The following TRMT11 variants were observed in gnomAD, a reference collection of about 807,000 sequenced individuals.
The protein encoded by TRMT11 is tRNA (guanine(10)-N(2))-methyltransferase TRMT11.
Under a neutral mutation model 62.8 loss-of-function variants are expected in TRMT11, and 53 were observed. The ratio of observed to expected loss-of-function variants is 0.84; its 90% CI spans 0.68 to 1.06. The LOEUF (loss-of-function observed/expected upper bound fraction) is 1.06, where lower values mean the gene tolerates loss of function less well. TRMT11 is among the 50% of genes least tolerant of loss of function. The pLI, the probability that TRMT11 is intolerant of heterozygous loss-of-function variation, is 0.00. For missense variants in TRMT11, 556 were observed against 553.4 expected (o/e 1.00, Z -0.05); for synonymous variants, 188 against 190.3 (o/e 0.99, Z 0.10).
the TRMT11 span, among the ~76,000 whole-genome samples, chr6:126,271,363 CAAAA>C: frequency 1.7e-4 from 6 of 36,264 alleles, no homozygotes; most frequent in African/African-American, 5.2e-4. Context: ...GACTCCATCT[CAAAA>C]AAAAAAAAAA....
At chr6:126,107,689 G>A (rs535969804) in intron 17 of TRMT11, among the ~76,000 whole-genome samples, 12 of 152,098 alleles carry the variant, frequency 7.9e-5, no homozygotes, top group African/African-American at 2.4e-4. Flanking sequence ...CCAAAGGAGC[G>A]GTTCAGGTAT....
chr6:126,086,364 G>A (rs555869680), intron 17 of TRMT11, among the ~76,000 whole-genome samples: 1 of 152,160 alleles, frequency 6.6e-6, no homozygotes, highest in East Asian at 1.9e-4. Flanking sequence ...CCAGTGTCCC[G>A]AGCTAGAAAC....
At chr6:126,104,232 G>A (rs376745459) in intron 17 of TRMT11, among the ~76,000 whole-genome samples, 17 of 152,146 alleles carry the variant, frequency 1.1e-4, no homozygotes, top group African/African-American at 2.9e-4. Flanking sequence ...AATAGTCGCC[G>A]TTCAAAGTGA....
intron 12 of TRMT11, among the ~76,000 whole-genome samples, chr6:126,031,593 A>T (rs963243661): frequency 6.6e-6 from 1 of 152,190 alleles, no homozygotes; most frequent in Non-Finnish European, 1.5e-5. Context: ...AGCAAGATAC[A>T]GAAGCATGAG....
chr6:126,081,107 A>G (rs1241109360), intron 17 of TRMT11, among the ~76,000 whole-genome samples: 1 of 152,190 alleles, frequency 6.6e-6, no homozygotes, highest in Non-Finnish European at 1.5e-5. Context: ...ACAGACATTG[A>G]ATGGATCTTG....
At chr6:126,108,645 A>G (rs1019799446) in intron 17 of TRMT11, among the ~76,000 whole-genome samples, 4 of 152,212 alleles carry the variant, frequency 2.6e-5, no homozygotes, top group Non-Finnish European at 2.9e-5. Context: ...TCTCTAGAAC[A>G]TTAATTTATA....
intron 21 of TRMT11, among the ~76,000 whole-genome samples, chr6:126,152,078 C>T (rs1348976271): frequency 2.9e-5 from 4 of 137,856 alleles, no homozygotes; most frequent in Non-Finnish European, 4.6e-5. Flanking sequence ...TTACAGGCAG[C>T]ATGTATTCTG....
chr6:126,127,252 GAAGAT>G (rs1378038642), intron 21 of TRMT11, among the ~76,000 whole-genome samples: 1 of 152,092 alleles, frequency 6.6e-6, no homozygotes, highest in Non-Finnish European at 1.5e-5. Flanking sequence ...GAGTAGTTGA[GAAGAT>G]AGGGAAGAGT....
intron 17 of TRMT11, among the ~76,000 whole-genome samples, chr6:126,084,722 G>T (rs892839252): frequency 6.6e-6 from 1 of 152,212 alleles, no homozygotes; most frequent in Middle Eastern, 3.4e-3. Flanking sequence ...GTTGACTTTT[G>T]TATATGGTGT....
At chr6:125,986,724 G>A in intron 1 of TRMT11, 102 bp downstream of exon 1, 1 of 1,180,260 alleles carries the variant, frequency 8.5e-7, no homozygotes, top group East Asian at 2.6e-5. Flanking sequence ...CTGGGATTCG[G>A]GGGTCTTCGC....
chr6:126,204,830 C>G (rs1205022045), downstream of TRMT11, among the ~76,000 whole-genome samples: 2 of 152,174 alleles, frequency 1.3e-5, no homozygotes, highest in African/African-American at 4.8e-5. Flanking sequence ...ACTTGTTGAG[C>G]CAGGGATTAG....
chr6:126,230,909 G>T, the TRMT11 span, among the ~76,000 whole-genome samples: 1 of 152,000 alleles, frequency 6.6e-6, no homozygotes, highest in Non-Finnish European at 1.5e-5. Flanking sequence ...GGAATAATAC[G>T]TCCTCATTGT....
intron 12 of TRMT11, among the ~76,000 whole-genome samples, chr6:126,032,556 T>G (rs1774399137): frequency 1.3e-5 from 2 of 152,166 alleles, no homozygotes; most frequent in African/African-American, 4.8e-5. Context: ...ATTCATCCTT[T>G]AGGTCTCAGA....
chr6:126,217,618 C>G, the TRMT11 span, among the ~76,000 whole-genome samples: 1 of 152,222 alleles, frequency 6.6e-6, no homozygotes, highest in Non-Finnish European at 1.5e-5. Context: ...CTGTGCTGAG[C>G]TGCCTGGAGC....
chr6:126,167,256 G>A (rs371405311), intron 21 of TRMT11, among the ~76,000 whole-genome samples: 2 of 152,192 alleles, frequency 1.3e-5, no homozygotes, highest in Non-Finnish European at 2.9e-5. Flanking sequence ...GGCACCCGAG[G>A]GAATCTCCTG....
chr6:126,077,402 C>G (rs1362090060), intron 17 of TRMT11, among the ~76,000 whole-genome samples: 1 of 152,198 alleles, frequency 6.6e-6, no homozygotes, highest in African/African-American at 2.4e-5. Context: ...TGTGCAACAA[C>G]TGGGCTTTGA....
chr6:126,218,019 C>T, the TRMT11 span, among the ~76,000 whole-genome samples: 1 of 152,100 alleles, frequency 6.6e-6, no homozygotes, highest in Non-Finnish European at 1.5e-5. Flanking sequence ...AGTCTTTTCC[C>T]CTGGCAACCA....
At chr6:126,079,956 T>C (rs1777122344) in intron 17 of TRMT11, among the ~76,000 whole-genome samples, 1 of 152,140 alleles carries the variant, frequency 6.6e-6, no homozygotes, top group Non-Finnish European at 1.5e-5. Flanking sequence ...GCAGACATAC[T>C]AGTGATCAGA....
At chr6:126,170,550 G>C (rs1778318423) in intron 21 of TRMT11, among the ~76,000 whole-genome samples, 1 of 151,908 alleles carries the variant, frequency 6.6e-6, no homozygotes, top group African/African-American at 2.4e-5. Flanking sequence ...TCTCTGTCTG[G>C]GTCTCATTTT....
Sources: gnomAD v4.1 joint callset for allele counts (sites outside exome capture counted in the v4.1 genomes callset) on GRCh38, gnomAD v4.1.1 for gene constraint, MANE v1.5 for transcripts, NCBI Gene and HGNC (gene_info 2026-07-23, HGNC 2026-07-21) for gene names.